Variants in ATP13A1 observed in about 807,000 individuals in gnomAD.
ATP13A1 encodes ATPase 13A1.
ATP13A1 carries 55 observed loss-of-function variants against 134.8 expected under a neutral mutation model. The observed-to-expected ratio is 0.41, with a 90% CI of 0.33 to 0.51. ATP13A1 has a LOEUF of 0.51. Ranked by LOEUF, ATP13A1 falls within the 20% of genes least tolerant of loss-of-function variation. The pLI is 0.29. For synonymous variants in ATP13A1, 775 were observed against 725.1 expected (o/e 1.07, Z -1.10); for missense variants, 1,389 against 1,652.8 (o/e 0.84, Z 2.77).
In ATP13A1 at chr19:19,662,446, G is replaced by A. The variant is rs1363017282; in HGVS notation, c.396+825C>T. On this transcript the variant is annotated intron_variant, in intron 1 of 25. Coordinates refer to ENST00000357324, the MANE Select transcript of ATP13A1 (RefSeq NM_020410.3). ...GGCAAACACACTCCTGGAATCAGAG[G>A]GGAAGCTTCCTGATATACCTCAGTG... 3 of 876,468 alleles carry A rather than the reference G, an allele frequency of 3.4e-6. No individual in the cohort carries two copies. In the African/African-American group the frequency reaches 5.5e-5, roughly 16 times the overall value. The allele number at this position is 876,468 out of a possible 1,614,324, so 54.3% of individuals were successfully genotyped here.
In ATP13A1 at chr19:19,663,300, G is replaced by C. The variant is rs1315108693; in HGVS notation, c.367C>G (p.His123Asp). ...LTVLSGHWSV[H>D]AHCALTCTPE... ...GTGCAGGTGAGCGCGCAATGCGCGT[G>C]CACAGACCAATGCCCCGAGAGGACA... Residue 123 changes from histidine (H) to aspartate (D), a missense_variant, in exon 1 of 26, where the codon CAC becomes GAC. This residue lies in a region of ATP13A1 where 293 missense variants were observed against 270.8 expected (regional missense o/e 1.08). Transcript: ENST00000357324. 4 of 1,589,274 alleles carry C rather than the reference G, an allele frequency of 2.5e-6. No individual in the cohort carries two copies. The highest frequency in any genetic ancestry group is 3.4e-6 in the Non-Finnish European group (4 of 1,169,202).
intron 23 of ATP13A1, 61 bp downstream of exon 23, chr19:19,646,144 G>A: frequency 6.2e-7 from 1 of 1,609,528 alleles, no homozygotes; most frequent in Non-Finnish European, 8.5e-7. Flanking sequence ...TGAAGTCTGT[G>A]GAGTCATCCT....
Position 19,655,682 on chromosome 19 carries a change from G to A in ATP13A1, c.1270-28C>T, listed in dbSNP as rs1470426387. 6.2e-7 allele frequency: 1 copy of A among 1,605,228 alleles called. No homozygotes were observed. ...GGAGGAATGGAGGAACAGCCTTTCT[G>A]CTGTCTGGACTCCCTCCAGCAGCTC... On this transcript the variant is annotated intron_variant, in intron 9 of 25. Transcript: ENST00000357324. The surrounding 1 kb of genome is among the most constrained non-coding windows in gnomAD (Gnocchi z 5.7).
chr19:19,657,491 C>T, intron 3 of ATP13A1, 83 bp from the exon 4 acceptor site: 3 of 1,345,876 alleles, frequency 2.2e-6, no homozygotes, highest in East Asian at 2.6e-5. Flanking sequence ...CCAACCTGAG[C>T]ATGGCAGGCC....
Position 19,649,954 on chromosome 19 carries a change from C to G in ATP13A1, c.2336-14G>C. 1 of 1,575,262 alleles carries G rather than the reference C, an allele frequency of 6.3e-7. No homozygotes were observed. Among genetic ancestry groups the G allele is most frequent in the Non-Finnish European group, 8.6e-7 (1 of 1,169,462 alleles). On this transcript the variant is annotated splice_polypyrimidine_tract_variant and intron_variant, in intron 17 of 25. Transcript: ENST00000357324. ...CGCACTGCCGGCCTGCGGGCAGCACCTAGGGTTAGGGCTGGGGGCTTGGCT... is the reference window on the plus strand; with the variant it reads ...CGCACTGCCGGCCTGCGGGCAGCACGTAGGGTTAGGGCTGGGGGCTTGGCT...
At chr19:19,654,972 C>G in intron 12 of ATP13A1, 147 bp downstream of exon 12, 3 of 1,333,676 alleles carry the variant, frequency 2.2e-6, no homozygotes, top group Non-Finnish European at 3.0e-6. Flanking sequence ...ACACCCAGGA[C>G]TTTGTGGGGA....
In ATP13A1 at chr19:19,647,707, C is replaced by T; in HGVS notation, c.2685G>A (p.Arg895=). The T allele has an allele frequency of 6.2e-7, 1 of 1,609,246 alleles. No homozygotes were observed. ...APERVVERRR[R]PRDSPTLSNS... ...TGCTCAGGGTTGGGCTGTCCCGGGGCCGCCGTCGCCGCTCGACAACCCGCT... is the reference window on the plus strand; with the variant it reads ...TGCTCAGGGTTGGGCTGTCCCGGGGTCGCCGTCGCCGCTCGACAACCCGCT... Residue 895 remains arginine (R), a synonymous_variant, in exon 20 of 26, where the codon CGG becomes CGA. Transcript: ENST00000357324. This position sits in a 1 kb window ranked among gnomAD's most constrained non-coding sequence, Gnocchi z 4.8.
rs2872954 is a variant in ATP13A1, at chr19:19,647,483, G to A, written c.2839C>T (p.Pro947Ser). The A allele has an allele frequency of 6.2e-7, 1 of 1,613,254 alleles. No individual in the cohort carries two copies. Among genetic ancestry groups the A allele is most frequent in the South Asian group, 1.1e-5 (1 of 91,026 alleles). The change falls in exon 21 of 26, where the codon CCC becomes TCC. Residue 947 changes from proline to serine, a missense_variant. Pro to Ser is a moderately conservative substitution (Grantham distance 74). This residue lies in a region of ATP13A1 where 121 missense variants were observed against 104.9 expected (regional missense o/e 1.15). Coordinates refer to ENST00000357324, the MANE Select transcript of ATP13A1 (RefSeq NM_020410.3). This position sits in a 1 kb window ranked among gnomAD's most constrained non-coding sequence, Gnocchi z 4.8. ...VLRDLEDEST[P>S]IVKLGDASIA... ...CTGGCATCCCCCAGTTTCACAATGGGCGTACTCTCGTCCTCGAGGTCTCGC... is the reference window on the plus strand; with the variant it reads ...CTGGCATCCCCCAGTTTCACAATGGACGTACTCTCGTCCTCGAGGTCTCGC...
Position 19,663,577 on chromosome 19 carries a change from C to T in ATP13A1, c.90G>A (p.Pro30=). 6.7e-7 allele frequency: 1 copy of T among 1,496,406 alleles called. No individual in the cohort carries two copies. The allele number at this position is 1,496,406 out of a possible 1,614,324, so 92.7% of individuals were successfully genotyped here. The change falls in exon 1 of 26, where the codon CCG becomes CCA. Residue 30 remains proline (P), a synonymous_variant. Transcript: ENST00000357324. Reference sequence around the variant, plus strand: ...CGGCGGCAAGGAGCGCGCGCGGCTGCGGCCCGGGCTTGGGCTGCCCGTCAG... The same window carrying T: ...CGGCGGCAAGGAGCGCGCGCGGCTGTGGCCCGGGCTTGGGCTGCCCGTCAG... ...VRPDGQPKPG[P]QPRALLAAGP... is the part of the protein sequence containing the mutation.
rs1245425218 is a variant in ATP13A1 at position 19,656,223 on chromosome 19, C to T, written c.1084-40G>A. On this transcript the variant is annotated intron_variant, in intron 7 of 25. Coordinates refer to ENST00000357324, the MANE Select transcript of ATP13A1 (RefSeq NM_020410.3). This position sits in a 1 kb window ranked among gnomAD's most constrained non-coding sequence, Gnocchi z 4.6. The stretch of plus-strand genomic sequence containing the variant: ...CGTGAATCTGGATGGCCAGGCCTAC[C>T]TTGCTTCCTTCTCCATCTGAGTTCC... 3 of 1,563,216 alleles carry T rather than the reference C, an allele frequency of 1.9e-6. No homozygotes were observed. Among genetic ancestry groups the T allele is most frequent in the Admixed American group, 3.6e-5 (2 of 54,876 alleles).
chr19:19,649,512 G>A lies in ATP13A1; in HGVS notation c.2632+55C>T, dbSNP rs2062010210. The A allele has an allele frequency of 2.6e-6, 4 of 1,555,122 alleles. No homozygotes were observed. In the African/African-American group the frequency reaches 5.4e-5, roughly 21 times the overall value. On this transcript the variant is annotated intron_variant, in intron 19 of 25. Coordinates refer to ENST00000357324, the MANE Select transcript of ATP13A1 (RefSeq NM_020410.3). Reference sequence around the variant, plus strand: ...GCCAGGTCTGTCTTTCTAGCTCAGTGACATGTCCTCAACACCTCGTCCACA... The same window carrying A: ...GCCAGGTCTGTCTTTCTAGCTCAGTAACATGTCCTCAACACCTCGTCCACA...
Position 19,646,431 on chromosome 19 carries a change from G to A in ATP13A1, c.3106-84C>T. On this transcript the variant is annotated intron_variant, in intron 22 of 25. Coordinates refer to ENST00000357324, the MANE Select transcript of ATP13A1 (RefSeq NM_020410.3). Reference sequence around the variant, plus strand: ...CACACAGCAGGCAGTAACATCCCCTGCCTCCCGGGAGACCTTGTGTACAGC... The same window carrying A: ...CACACAGCAGGCAGTAACATCCCCTACCTCCCGGGAGACCTTGTGTACAGC... The A allele has an allele frequency of 1.3e-6, 2 of 1,519,534 alleles. 1 individual carries two copies. The allele number at this position is 1,519,534 out of a possible 1,614,324, so 94.1% of individuals were successfully genotyped here.
rs999573193 is a variant in ATP13A1, at chr19:19,653,239, T to C, written c.2101-519A>G. On this transcript the variant is annotated intron_variant, in intron 15 of 25. Coordinates refer to ENST00000357324, the MANE Select transcript of ATP13A1 (RefSeq NM_020410.3). The surrounding 1 kb of genome is among the most constrained non-coding windows in gnomAD (Gnocchi z 4.2). The stretch of plus-strand genomic sequence containing the variant: ...GTGGAAAGGCCTCAGAAGTGGCCAC[T>C]ATGAAGGCGATGAGGACCTGTGTCA... 1.1e-5 allele frequency: 2 copies of C among 181,314 alleles called. No individual in the cohort carries two copies. The highest frequency in any genetic ancestry group is 2.4e-5 in the Non-Finnish European group (2 of 84,942). 11.2% of individuals were successfully genotyped at this position (181,314 alleles called of 1,614,324 possible).
intron 1 of ATP13A1, chr19:19,662,405 C>T (rs1805574574): frequency 2.0e-6 from 2 of 977,654 alleles, no homozygotes; most frequent in Non-Finnish European, 1.2e-6. Flanking sequence ...ATGCTGTTCC[C>T]TTTTCCTCTT....
At chr19:19,646,070 C>A (rs2061983442) in intron 23 of ATP13A1, 85 bp from the exon 24 acceptor site, 1 of 1,594,340 alleles carries the variant, frequency 6.3e-7, no homozygotes, top group Non-Finnish European at 8.6e-7. Context: ...TGGCACAGAG[C>A]TAGGGCTCTG....
rs897593321 is a variant in ATP13A1 at position 19,656,920 on chromosome 19, G to A, written c.907-4C>T. The stretch of plus-strand genomic sequence containing the variant: ...TCCACTTGCGGCTTCGGTAGACCTG[G>A]GCGGGGCATGGGTGTCAGCACAGAA... On this transcript the variant is annotated splice_region_variant and splice_polypyrimidine_tract_variant and intron_variant, in intron 5 of 25. Coordinates refer to ENST00000357324, the MANE Select transcript of ATP13A1 (RefSeq NM_020410.3). The surrounding 1 kb of genome is among the most constrained non-coding windows in gnomAD (Gnocchi z 4.6). 5 of 1,609,726 alleles carry A rather than the reference G, an allele frequency of 3.1e-6. No homozygotes were observed. In the Admixed American group the frequency reaches 5.1e-5, roughly 16 times the overall value.
Position 19,652,579 on chromosome 19 carries a change from G to A in ATP13A1, c.2226+16C>T, listed in dbSNP as rs371018354. 3.7e-5 allele frequency: 60 copies of A among 1,604,430 alleles called. No homozygotes were observed. In the African/African-American group the frequency reaches 4.3e-4, roughly 11 times the overall value. On this transcript the variant is annotated intron_variant, in intron 16 of 25. Coordinates refer to ENST00000357324, the MANE Select transcript of ATP13A1 (RefSeq NM_020410.3). ...TATTTCCCATGCAGAGGGTGGAGCC[G>A]AGCACCGTCCCATACCCGGTGGGAC...
At chr19:19,662,176 T>C (rs1395124383) in intron 1 of ATP13A1, 18 of 1,550,250 alleles carry the variant, frequency 1.2e-5, no homozygotes, top group Admixed American at 2.0e-5. Flanking sequence ...CAGCTGAAGT[T>C]TGAGCGGTGC....
intron 1 of ATP13A1, 98 bp from the exon 2 acceptor site, chr19:19,660,085 A>G (rs1471275771): frequency 1.0e-6 from 1 of 981,672 alleles, no homozygotes; most frequent in South Asian, 1.5e-5. Context: ...CTATGGGTAT[A>G]TTCTGAAATG....
Sources: gnomAD v4.1 joint callset for allele counts on GRCh38, gnomAD v4.1.1 for gene constraint, gnomAD v4.1.1 regional missense constraint, Gnocchi (gnomAD v3.1) non-coding constraint, MANE v1.5 for transcripts, NCBI Gene and HGNC (gene_info 2026-07-23, HGNC 2026-07-21) for gene names.